The following POLD3 variants were observed in gnomAD, a reference collection of about 807,000 sequenced individuals.
POLD3 encodes DNA polymerase delta 3, accessory subunit.
POLD3 carries 19 observed loss-of-function variants against 58.2 expected under a neutral mutation model. The ratio of observed to expected loss-of-function variants is 0.33; its 90% confidence interval spans 0.23 to 0.48. POLD3 has a LOEUF of 0.48. POLD3 is among the 20% of genes least tolerant of loss of function. POLD3 has a pLI of 0.99. For missense variants in POLD3, 504 were observed against 545.5 expected (o/e 0.92, Z 0.76); for synonymous variants, 172 against 193.5 (o/e 0.89, Z 0.92).
At chr11:74,651,029 T>C (rs1045918172) in intron 4 of POLD3, among the ~76,000 whole-genome samples, 1 of 152,068 alleles carries the variant, frequency 6.6e-6, no homozygotes, top group Non-Finnish European at 1.5e-5. Context: ...GAGTGCTTGG[T>C]GGTTATGTGC....
At chr11:74,601,991 G>C (rs1221691350) in intron 2 of POLD3, among the ~76,000 whole-genome samples, 1 of 152,152 alleles carries the variant, frequency 6.6e-6, no homozygotes, top group African/African-American at 2.4e-5. Context: ...AGGTATGATG[G>C]GGAATGGTCA....
chr11:74,642,587 ATC>A lies in POLD3; in HGVS notation c.*1825_*1826del. ...TGCAAGGGATAATACAAATCCTATG[ATC>A]TCTATGCCCAATATGCTGCCTCAAC... is the stretch of plus-strand genomic sequence containing the variant. On this transcript the variant is annotated 3_prime_UTR_variant, in exon 12 of 12. Coordinates refer to ENST00000263681, the MANE Select transcript of POLD3 (RefSeq NM_006591.3). 1.0e-6 allele frequency: 1 copy of A among 985,220 alleles called. No individual in the cohort carries two copies. Among genetic ancestry groups the A allele is most frequent in the Non-Finnish European group, 1.2e-6 (1 of 829,844 alleles). The allele number at this position is 985,220 out of a possible 1,614,324, so 61.0% of individuals were successfully genotyped here. A position where few individuals can be genotyped will look rare whatever the true frequency, so the allele number is the denominator to read the frequency against.
At position 74,641,518 on chromosome 11, in the gene POLD3, G is replaced by A. The variant is rs1453370075; in HGVS notation, c.*752G>A. On this transcript the variant is annotated 3_prime_UTR_variant, in exon 12 of 12. Coordinates refer to ENST00000263681, the MANE Select transcript of POLD3 (RefSeq NM_006591.3). ...GAAATTACCTCGAGTCAGCATTGAC[G>A]ATATTGGAGGAGCTGCCGTGCTGCT... is the stretch of plus-strand genomic sequence containing the variant. 3 of 985,304 alleles carry A rather than the reference G, an allele frequency of 3.0e-6. No homozygotes were observed. The highest frequency in any genetic ancestry group is 3.6e-6 in the Non-Finnish European group (3 of 829,936). The allele number at this position is 985,304 out of a possible 1,614,324, so 61.0% of individuals were successfully genotyped here. A position where few individuals can be genotyped will look rare whatever the true frequency, so the allele number is the denominator to read the frequency against.
rs994646658 is a variant in POLD3, at chr11:74,592,597, C to T, written c.-62C>T. 27 of 1,599,678 alleles carry T rather than the reference C, an allele frequency of 1.7e-5. No individual in the cohort carries two copies. The highest frequency in any genetic ancestry group is 2.2e-5 in the Non-Finnish European group (26 of 1,170,602). ...GGGAGGGAGCAAAGACGTTTCCCGCCGGCGGGAGCTGTGGCTGTGATTGAG... is the reference window on the plus strand; with the variant it reads ...GGGAGGGAGCAAAGACGTTTCCCGCTGGCGGGAGCTGTGGCTGTGATTGAG... On this transcript the variant is annotated 5_prime_UTR_variant, in exon 1 of 12. Coordinates refer to ENST00000263681, the MANE Select transcript of POLD3 (RefSeq NM_006591.3).
chr11:74,631,414 AGAT>A (rs901147244), intron 9 of POLD3, among the ~76,000 whole-genome samples: 1 of 151,752 alleles, frequency 6.6e-6, no homozygotes, highest in African/African-American at 2.4e-5. Context: ...ACATGAAATA[AGAT>A]GATGTGTCAG....
At chr11:74,627,795 A>C (rs1439827918) in intron 8 of POLD3, among the ~76,000 whole-genome samples, 1 of 152,088 alleles carries the variant, frequency 6.6e-6, no homozygotes, top group Non-Finnish European at 1.5e-5. Flanking sequence ...CATAGACTAT[A>C]CCATCTAGGT....
At chr11:74,633,387 A>T (rs1202912396) in intron 9 of POLD3, among the ~76,000 whole-genome samples, 3 of 151,988 alleles carry the variant, frequency 2.0e-5, no homozygotes, top group Non-Finnish European at 2.9e-5. Flanking sequence ...TTTGGGGCCC[A>T]TTTTATACTT....
At chr11:74,622,743 G>A (rs2032304801) in intron 7 of POLD3, among the ~76,000 whole-genome samples, 1 of 152,148 alleles carries the variant, frequency 6.6e-6, no homozygotes, top group Non-Finnish European at 1.5e-5. Context: ...CTGCTGTAGG[G>A]AATGTAAAAT....
At chr11:74,636,062 T>C in intron 10 of POLD3, 135 bp from the exon 11 acceptor site, 1 of 820,784 alleles carries the variant, frequency 1.2e-6, no homozygotes, top group East Asian at 2.7e-5. Flanking sequence ...TCTCTAAAAC[T>C]AATGTAGAGT....
chr11:74,599,801 G>A (rs1335432756), intron 2 of POLD3, among the ~76,000 whole-genome samples: 1 of 152,150 alleles, frequency 6.6e-6, no homozygotes, highest in Non-Finnish European at 1.5e-5. Flanking sequence ...TTGGGTTAGA[G>A]AAAGCGGTAT....
At position 74,618,697 on chromosome 11, in the gene POLD3, G is replaced by C; in HGVS notation, c.553G>C (p.Val185Leu). The change falls in exon 6 of 12, where the codon GTT (valine) becomes CTT (leucine). Residue 185 changes from valine (V) to leucine (L), a missense_variant. Val to Leu is a conservative substitution (Grantham distance 32, BLOSUM62 1). Around this residue, in one of 2 missense-constraint regions of POLD3, gnomAD observed 385 missense variants for 370.5 expected, o/e 1.04. Transcript: ENST00000263681. ...NGHGPPASKQVSQQPKGIMGM... is the reference protein window; with the variant it reads ...NGHGPPASKQLSQQPKGIMGM... Reference sequence around the variant, plus strand: ...TCATGGCCCACCTGCATCCAAGCAGGTTTCCCAGCAGCCCAAAGGAATTAT... The same window carrying C: ...TCATGGCCCACCTGCATCCAAGCAGCTTTCCCAGCAGCCCAAAGGAATTAT... 6.2e-7 allele frequency: 1 copy of C among 1,614,166 alleles called. No homozygotes were observed. The highest frequency in any genetic ancestry group is 8.5e-7 in the Non-Finnish European group (1 of 1,180,012).
At position 74,592,585 on chromosome 11, in the gene POLD3, G is replaced by C. The variant is rs2031065300; in HGVS notation, c.-74G>C. On this transcript the variant is annotated 5_prime_UTR_variant, in exon 1 of 12. Transcript: ENST00000263681. The stretch of plus-strand genomic sequence containing the variant: ...GACCCGGGACCTGGGAGGGAGCAAA[G>C]ACGTTTCCCGCCGGCGGGAGCTGTG... 1.9e-6 allele frequency: 3 copies of C among 1,575,908 alleles called. No homozygotes were observed. In the South Asian group the frequency reaches 3.4e-5, roughly 18 times the overall value.
In POLD3 at chr11:74,642,159, G is replaced by T; in HGVS notation, c.*1393G>T. On this transcript the variant is annotated 3_prime_UTR_variant, in exon 12 of 12. Transcript: ENST00000263681. ...CTGTCTGCTTTTTAAGGTTGGGATT[G>T]TGCTGACTTTGGGATTAACATGAGC... is the stretch of plus-strand genomic sequence containing the variant. The T allele has an allele frequency of 1.0e-6, 1 of 985,498 alleles. No individual in the cohort carries two copies. Among genetic ancestry groups the T allele is most frequent in the Non-Finnish European group, 1.2e-6 (1 of 829,960 alleles). 61.0% of individuals were successfully genotyped at this position (985,498 alleles called of 1,614,324 possible).
intron 2 of POLD3, chr11:74,595,094 G>A (rs1185495473): frequency 6.7e-6 from 1 of 149,860 alleles, no homozygotes; most frequent in Admixed American, 6.6e-5. Context: ...CAGTATATGA[G>A]TATTTCAGTT....
At chr11:74,637,435 C>CTTTT (rs5792663) in intron 11 of POLD3, among the ~76,000 whole-genome samples, 1 of 115,476 alleles carries the variant, frequency 8.7e-6, no homozygotes, top group Non-Finnish European at 1.7e-5. Context: ...CTTTTTCTTC[C>CTTTT]TTTTTTTTTT....
chr11:74,663,138 G>T (rs565924182), intron 4 of POLD3, among the ~76,000 whole-genome samples: 94 of 152,324 alleles, frequency 6.2e-4, no homozygotes, highest in African/African-American at 2.2e-3. Flanking sequence ...TATGTAAATA[G>T]TTGTTAAAAT....
At chr11:74,613,458 A>C (rs2031980132) in intron 5 of POLD3, among the ~76,000 whole-genome samples, 1 of 152,022 alleles carries the variant, frequency 6.6e-6, no homozygotes, top group South Asian at 2.1e-4. Flanking sequence ...TGTATCCTTA[A>C]CAGCACAAGG....
intron 4 of POLD3, among the ~76,000 whole-genome samples, chr11:74,656,201 A>T (rs1271262403): frequency 1.3e-5 from 2 of 152,198 alleles, no homozygotes. Flanking sequence ...TTCTTTTTTA[A>T]TGTAGGTGCT....
intron 5 of POLD3, among the ~76,000 whole-genome samples, chr11:74,615,169 G>C (rs2032045658): frequency 6.6e-6 from 1 of 152,214 alleles, no homozygotes; most frequent in African/African-American, 2.4e-5. Flanking sequence ...CCCTGTTCTT[G>C]TCAGTAAAGC....
Sources: gnomAD v4.1 joint callset for allele counts (sites outside exome capture counted in the v4.1 genomes callset) on GRCh38, gnomAD v4.1.1 for gene constraint, gnomAD v4.1.1 regional missense constraint, MANE v1.5 for transcripts, NCBI Gene and HGNC (gene_info 2026-07-23, HGNC 2026-07-21) for gene names.